MAML2: variants seen among roughly 807,000 people sequenced by gnomAD.
MAML2 encodes the protein mastermind-like protein 2.
Under a neutral mutation model 96.1 loss-of-function variants are expected in MAML2, and 22 were observed. The observed-to-expected ratio is 0.23, with a 90% CI of 0.16 to 0.33. The LOEUF (loss-of-function observed/expected upper bound fraction) is 0.33, where lower values mean the gene tolerates loss of function less well. MAML2 is among the 10% of genes least tolerant of loss of function. The pLI, the probability that MAML2 is intolerant of heterozygous loss-of-function variation, is 1.00. For synonymous variants in MAML2, 561 were observed against 521.3 expected (o/e 1.08, Z -1.04); for missense variants, 1,367 against 1,392.4 (o/e 0.98, Z 0.29).
chr11:96,113,124 A>C (rs1860159602), intron 1 of MAML2, among the ~76,000 whole-genome samples: 2 of 151,830 alleles, frequency 1.3e-5, no homozygotes, highest in Admixed American at 1.3e-4. Flanking sequence ...GATGGGAAGG[A>C]GGAAGAGGAG....
chr11:96,267,886 C>T (rs1445815151), intron 1 of MAML2, among the ~76,000 whole-genome samples: 1 of 152,220 alleles, frequency 6.6e-6, no homozygotes, highest in Non-Finnish European at 1.5e-5. Flanking sequence ...ATTGCTCACT[C>T]AGCCCACTTG....
intron 1 of MAML2, among the ~76,000 whole-genome samples, chr11:96,236,296 T>C (rs1028884470): frequency 6.6e-6 from 1 of 152,208 alleles, no homozygotes; most frequent in Non-Finnish European, 1.5e-5. Context: ...TCTTTTGCAA[T>C]TGCTACTTGA....
chr11:96,088,260 C>T (rs1349760417), intron 2 of MAML2, among the ~76,000 whole-genome samples: 2 of 152,206 alleles, frequency 1.3e-5, no homozygotes, highest in Non-Finnish European at 2.9e-5. Context: ...CATTCACTGG[C>T]TGCCTTCCCT....
At chr11:96,097,300 C>G (rs1436498650) in intron 1 of MAML2, among the ~76,000 whole-genome samples, 1 of 152,144 alleles carries the variant, frequency 6.6e-6, no homozygotes, top group African/African-American at 2.4e-5. Context: ...TCTAAGGGAA[C>G]AAGACCTAAC....
intron 1 of MAML2, among the ~76,000 whole-genome samples, chr11:96,266,353 G>A (rs1193960715): frequency 1.3e-5 from 2 of 152,110 alleles, no homozygotes; most frequent in Admixed American, 6.5e-5. Context: ...GACAGATCAC[G>A]AGGTCAGGAG....
intron 1 of MAML2, among the ~76,000 whole-genome samples, chr11:96,163,650 C>T (rs1014133909): frequency 6.6e-6 from 1 of 152,192 alleles, no homozygotes; most frequent in African/African-American, 2.4e-5. Flanking sequence ...TATCTAGTCT[C>T]TCTCTACATT....
At chr11:96,120,088 G>A (rs1415609554) in intron 1 of MAML2, among the ~76,000 whole-genome samples, 1 of 151,856 alleles carries the variant, frequency 6.6e-6, no homozygotes, top group East Asian at 1.9e-4. Flanking sequence ...CTCCCGAGTA[G>A]CTGGGACTAC....
chr11:96,176,627 A>T (rs1486092434), intron 1 of MAML2, among the ~76,000 whole-genome samples: 1 of 152,000 alleles, frequency 6.6e-6, no homozygotes, highest in Non-Finnish European at 1.5e-5. Context: ...AAAAGGTGAG[A>T]CCACCTTTTC....
intron 1 of MAML2, among the ~76,000 whole-genome samples, chr11:96,115,516 G>A (rs997279762): frequency 3.3e-5 from 5 of 151,322 alleles, no homozygotes; most frequent in African/African-American, 7.3e-5. Context: ...AGTAATCCTG[G>A]CTCAGAAATT....
chr11:95,979,554 T>C lies in MAML2; in HGVS notation c.2865A>G (p.Val955=). The part of the protein sequence containing the change: ...ASMPPQRTSN[V]MITSNTTAPN... ...GTGCAGTTGTGTTGGATGTGATCAT[T>C]ACGTTTGATGTTCTCTGTGGTGGCA... The change falls in exon 5 of 5, where the codon GTA becomes GTG. Residue 955 remains valine, a synonymous_variant. Coordinates refer to ENST00000524717, the MANE Select transcript of MAML2 (RefSeq NM_032427.4). 6.2e-7 allele frequency: 1 copy of C among 1,613,902 alleles called. No individual in the cohort carries two copies. Among genetic ancestry groups the C allele is most frequent in the South Asian group, 1.1e-5 (1 of 91,056 alleles).
intron 1 of MAML2, among the ~76,000 whole-genome samples, chr11:96,182,196 T>C (rs1433348367): frequency 6.6e-6 from 1 of 152,186 alleles, no homozygotes; most frequent in Non-Finnish European, 1.5e-5. Flanking sequence ...TTTGGTTTGT[T>C]TGCTTTGTTA....
At chr11:96,138,716 TCCG>T (rs1164489635) in intron 1 of MAML2, among the ~76,000 whole-genome samples, 2 of 151,974 alleles carry the variant, frequency 1.3e-5, no homozygotes, top group African/African-American at 4.8e-5. Context: ...AGGAAGCACC[TCCG>T]AGACATAGTC....
intron 1 of MAML2, among the ~76,000 whole-genome samples, chr11:96,280,686 C>A (rs980997773): frequency 6.6e-6 from 1 of 152,194 alleles, no homozygotes; most frequent in Non-Finnish European, 1.5e-5. Context: ...TTACAGACTA[C>A]CACACAATAG....
rs552493951 is a variant in MAML2 at position 96,041,501 on chromosome 11, A to G, written c.2140-49778T>C. On this transcript the variant is annotated intron_variant, in intron 2 of 4. Coordinates refer to ENST00000524717, the MANE Select transcript of MAML2 (RefSeq NM_032427.4). Reference sequence around the variant, plus strand: ...TAAAAAGAAAGAAAGAAGGAAAGGAAGGAAAGGAAGGAAGGGAAGGAAGGG... The same window carrying G: ...TAAAAAGAAAGAAAGAAGGAAAGGAGGGAAAGGAAGGAAGGGAAGGAAGGG... Among the ~76,000 whole-genome samples the G allele has an allele frequency of 1.3e-3, 168 of 124,656 alleles. 2 individuals are homozygous for G. Among genetic ancestry groups the G allele is most frequent in the African/African-American group, 4.6e-3 (161 of 35,342 alleles). The allele number at this position is 124,656 out of a possible 152,430, so 81.8% of individuals were successfully genotyped here.
At chr11:95,983,268 A>T (rs141439637) in intron 4 of MAML2, among the ~76,000 whole-genome samples, 67 of 152,302 alleles carry the variant, frequency 4.4e-4, no homozygotes, top group African/African-American at 1.5e-3. Context: ...TAGTTTAAAA[A>T]ATAAAAACAA....
chr11:96,100,219 T>TC (rs928287872), intron 1 of MAML2, among the ~76,000 whole-genome samples: 2 of 152,248 alleles, frequency 1.3e-5, no homozygotes, highest in Non-Finnish European at 2.9e-5. Context: ...ACTCGTACTT[T>TC]CACTCCTTCA....
intron 1 of MAML2, among the ~76,000 whole-genome samples, chr11:96,217,396 G>A (rs931122757): frequency 5.9e-5 from 9 of 152,220 alleles, no homozygotes; most frequent in African/African-American, 2.2e-4. Flanking sequence ...AGCACTAGAT[G>A]CTGCCCTGCA....
At chr11:96,323,184 G>T in intron 1 of MAML2, among the ~76,000 whole-genome samples, 1 of 151,840 alleles carries the variant, frequency 6.6e-6, no homozygotes, top group East Asian at 1.9e-4. Context: ...TGCTGAGGGT[G>T]GGGCTTAGAT....
At position 95,991,732 on chromosome 11, in the gene MAML2, G is replaced by T. The variant is rs566883488; in HGVS notation, c.2140-9C>A. On this transcript the variant is annotated splice_polypyrimidine_tract_variant and intron_variant, in intron 2 of 4. Transcript: ENST00000524717. ...ACCACAGAGTGTTGATCCTAAAGAA[G>T]AGAAAGGGGGAAGGAAAAGCTACTG... 6.2e-7 allele frequency: 1 copy of T among 1,609,912 alleles called. No individual in the cohort carries two copies. The highest frequency in any genetic ancestry group is 1.7e-5 in the Admixed American group (1 of 59,932).
Sources: allele counts gnomAD v4.1 joint callset (sites outside exome capture counted in the v4.1 genomes callset), GRCh38; gene constraint gnomAD v4.1.1; transcripts MANE v1.5; gene names NCBI Gene and HGNC (gene_info 2026-07-23, HGNC 2026-07-21).